Variants in AHNAK observed in about 807,000 individuals in gnomAD.
AHNAK encodes AHNAK nucleoprotein.
AHNAK carries 23 observed loss-of-function variants against 37.8 expected under a neutral mutation model. The observed-to-expected ratio is 0.61, with a 90% CI of 0.44 to 0.86. AHNAK has a LOEUF of 0.86. Ranked by LOEUF, AHNAK falls within the 40% of genes least tolerant of loss-of-function variation. AHNAK has a pLI of 0.00. For synonymous variants in AHNAK, 2,481 were observed against 2,636.3 expected (o/e 0.94, Z 1.80); for missense variants, 7,411 against 7,319.4 (o/e 1.01, Z -0.46).
chr11:62,437,152 T>A (rs1938190447), intron 5 of AHNAK, among the ~76,000 whole-genome samples: 1 of 152,176 alleles, frequency 6.6e-6, no homozygotes, highest in African/African-American at 2.4e-5. Context: ...ATAGATCAGC[T>A]TTGCCTCTTT....
chr11:62,460,122 GAAAA>G (rs1234181041), intron 5 of AHNAK, among the ~76,000 whole-genome samples: 1 of 98,818 alleles, frequency 1.0e-5, no homozygotes, highest in Non-Finnish European at 2.2e-5. Flanking sequence ...CCGTCTCAAA[GAAAA>G]AAAAAAAAAA....
chr11:62,529,103 G>A lies in AHNAK; in HGVS notation c.5314C>T (p.Pro1772Ser). The change falls in exon 5 of 5, where the codon CCC becomes TCC. Residue 1772 changes from proline to serine, a missense_variant. Pro to Ser is a moderately conservative substitution (Grantham distance 74). Coordinates refer to ENST00000378024, the MANE Select transcript of AHNAK (RefSeq NM_001620.3). ...TTGGGAGCTTTTATATTCAACTTGG[G>A]CATCTTAAATTTGGAGCCTTTCAAC... ...GKLKGSKFKMPKLNIKAPKVS... is the reference protein window; with the variant it reads ...GKLKGSKFKMSKLNIKAPKVS... The A allele has an allele frequency of 6.2e-7, 1 of 1,614,116 alleles. No individual in the cohort carries two copies. The highest frequency in any genetic ancestry group is 8.5e-7 in the Non-Finnish European group (1 of 1,180,032).
exon 6 of AHNAK, chr11:62,433,746 C>G (rs1450405277): frequency 2.4e-6 from 3 of 1,263,244 alleles, no homozygotes; most frequent in East Asian, 4.7e-5. Flanking sequence ...AAAGCCGCCT[C>G]GCGGAAGGTA....
intron 2 of AHNAK, 54 bp downstream of exon 2, chr11:62,536,415 A>C (rs1024198020): frequency 1.1e-5 from 3 of 266,492 alleles, no homozygotes; most frequent in African/African-American, 2.3e-5. Flanking sequence ...CACAGGGCCC[A>C]CCCTCCCCAC....
At position 62,525,987 on chromosome 11, in the gene AHNAK, A is replaced by G; in HGVS notation, c.8430T>C (p.Asn2810=). 6.2e-7 allele frequency: 1 copy of G among 1,612,914 alleles called. No individual in the cohort carries two copies. The highest frequency in any genetic ancestry group is 8.5e-7 in the Non-Finnish European group (1 of 1,179,762). The change falls in exon 5 of 5, where the codon AAT becomes AAC. Residue 2810 remains asparagine (N), a synonymous_variant. Transcript: ENST00000378024. ...PKVDVECPDV[N]IEGPEGKWKS... ...TCCACTTTCCTTCAGGTCCTTCGAT[A>G]TTCACATCGGGACATTCAACATCCA... is the stretch of plus-strand genomic sequence containing the variant.
chr11:62,522,416 T>C lies in AHNAK; in HGVS notation c.12001A>G (p.Ile4001Val), dbSNP rs1406117514. The C allele has an allele frequency of 4.3e-6, 7 of 1,614,072 alleles. No homozygotes were observed. In the Admixed American group the frequency reaches 6.7e-5, roughly 15 times the overall value. ...TGCAAATCAAAGTCAGGCATGGAGA[T>C]CTTGGGGGCTTTGATGTTCATCTCT... ...MPEMNIKAPK[I>V]SMPDFDLHLK... Residue 4001 changes from isoleucine (I) to valine (V), a missense_variant, in exon 5 of 5, where the codon ATC (isoleucine) becomes GTC (valine). Transcript: ENST00000378024.
intron 5 of AHNAK, among the ~76,000 whole-genome samples, chr11:62,486,202 T>C (rs904311957): frequency 2.6e-5 from 4 of 151,954 alleles, no homozygotes; most frequent in Non-Finnish European, 4.4e-5. Context: ...CAGCCAGGCA[T>C]GGTGGCTCAC....
At chr11:62,507,836 A>C (rs549981217) in intron 4 of AHNAK, among the ~76,000 whole-genome samples, 15 of 152,368 alleles carry the variant, frequency 9.8e-5, no homozygotes, top group Non-Finnish European at 2.1e-4. Flanking sequence ...TAACTTGCCC[A>C]AGGTCACGCA....
chr11:62,506,266 G>T (rs1219156234), intron 4 of AHNAK, among the ~76,000 whole-genome samples: 1 of 151,732 alleles, frequency 6.6e-6, no homozygotes, highest in Non-Finnish European at 1.5e-5. Context: ...AGAGCCAGTG[G>T]TCTGAGCTTG....
chr11:62,500,573 C>T (rs1016522099), intron 4 of AHNAK, among the ~76,000 whole-genome samples: 5 of 152,132 alleles, frequency 3.3e-5, no homozygotes, highest in Admixed American at 6.6e-5. Flanking sequence ...TATGTGGCTC[C>T]GAACCTCCCC....
rs747827111 is a variant in AHNAK at position 62,536,089 on chromosome 11, CCTT to C, written c.7_9del (p.Lys3del). The C allele has an allele frequency of 6.3e-7, 1 of 1,583,228 alleles. No individual in the cohort carries two copies. The highest frequency in any genetic ancestry group is 1.2e-5 in the South Asian group (1 of 86,394). ...AGCAGCAGCTCCCGGGTTGTCTCCTCCTTCTCCATCTGGAATGAGGTGAGGAAA... is the reference window on the plus strand; with the variant it reads ...AGCAGCAGCTCCCGGGTTGTCTCCTCCTCCATCTGGAATGAGGTGAGGAAA... On this transcript the variant is annotated inframe_deletion, in exon 3 of 5. Coordinates refer to ENST00000378024, the MANE Select transcript of AHNAK (RefSeq NM_001620.3).
intron 4 of AHNAK, among the ~76,000 whole-genome samples, chr11:62,498,621 T>G (rs1024325720): frequency 3.8e-4 from 57 of 151,454 alleles, no homozygotes; most frequent in African/African-American, 1.2e-3. Flanking sequence ...AAAAGAAATT[T>G]TTTTTTATTA....
At chr11:62,515,360 T>A (rs1939989072), downstream of AHNAK, among the ~76,000 whole-genome samples, 1 of 152,070 alleles carries the variant, frequency 6.6e-6, no homozygotes, top group Non-Finnish European at 1.5e-5. Context: ...CTCTACTAAA[T>A]ATAAAAATTA....
chr11:62,545,559 C>G (rs1438409650), intron 1 of AHNAK: 1 of 153,082 alleles, frequency 6.5e-6, no homozygotes, highest in Admixed American at 6.5e-5. Context: ...CACAGCTCTG[C>G]ACACACCCTA....
intron 5 of AHNAK, among the ~76,000 whole-genome samples, chr11:62,486,468 C>T (rs925504629): frequency 2.7e-5 from 4 of 145,882 alleles, no homozygotes; most frequent in South Asian, 2.1e-4. Flanking sequence ...AGCTAAACTC[C>T]GAAACTCTGT....
intron 5 of AHNAK, among the ~76,000 whole-genome samples, chr11:62,454,251 A>C (rs966114399): frequency 4.0e-5 from 6 of 151,264 alleles, no homozygotes; most frequent in African/African-American, 1.5e-4. Context: ...GTCTCTACTG[A>C]AAATACAAAA....
rs150068835 is a variant in AHNAK, at chr11:62,525,050, G to A, written c.9367C>T (p.Pro3123Ser). 1.9e-6 allele frequency: 3 copies of A among 1,613,824 alleles called. No individual in the cohort carries two copies. The highest frequency in any genetic ancestry group is 2.2e-5 in the East Asian group (1 of 44,860). The change falls in exon 5 of 5, where the codon CCT (proline) becomes TCT (serine). Residue 3123 changes from proline to serine, a missense_variant. Transcript: ENST00000378024. ...LPKVEGDMKV[P>S]DVDIKGPKVD... is the part of the protein sequence containing the mutation. Reference sequence around the variant, plus strand: ...TTGGGGCCTTTAATATCCACGTCAGGAACTTTCATGTCACCTTCCACTTTT... The same window carrying A: ...TTGGGGCCTTTAATATCCACGTCAGAAACTTTCATGTCACCTTCCACTTTT...
rs1212073648 is a variant in AHNAK, at chr11:62,522,140, C to T, written c.12277G>A (p.Gly4093Arg). 6.2e-7 allele frequency: 1 copy of T among 1,613,920 alleles called. No individual in the cohort carries two copies. The highest frequency in any genetic ancestry group is 8.5e-7 in the Non-Finnish European group (1 of 1,179,992). ...GGAGTGTCAATGTCCACTTTGGGTC[C>T]TGAGACATCAATGTCAGCTTTGGGC... Reference protein sequence around the residue: ...NLPKADIDVSGPKVDIDTPDI... With the variant: ...NLPKADIDVSRPKVDIDTPDI... The change falls in exon 5 of 5, where the codon GGA becomes AGA. Residue 4093 changes from glycine to arginine, a missense_variant. Physicochemically the swap from Gly to Arg is moderately radical, Grantham distance 125 (BLOSUM62 -2). Transcript: ENST00000378024.
rs138304517 is a variant in AHNAK at position 62,441,499 on chromosome 11, T to C, written c.443-7608A>G. ...AAAATAAATATTTTATTTTATATTTTATATTATTTTATTTTTGTTTGAGAT... is the reference window on the plus strand; with the variant it reads ...AAAATAAATATTTTATTTTATATTTCATATTATTTTATTTTTGTTTGAGAT... On this transcript the variant is annotated intron_variant, in intron 5 of 5. Coordinates refer to the AHNAK transcript ENST00000257247. Among the ~76,000 whole-genome samples the C allele has an allele frequency of 6.2e-3, 935 of 151,918 alleles. 10 individuals carry two copies. Among genetic ancestry groups the C allele is most frequent in the African/African-American group, 0.02 (846 of 41,478 alleles).
Sources: gnomAD v4.1 joint callset for allele counts (sites outside exome capture counted in the v4.1 genomes callset) on GRCh38, gnomAD v4.1.1 for gene constraint, MANE v1.5 for transcripts, NCBI Gene and HGNC (gene_info 2026-07-23, HGNC 2026-07-21) for gene names.